Variants in CFI observed in about 807,000 individuals in gnomAD.
The protein encoded by CFI is complement factor I.
Under a neutral mutation model 78.8 loss-of-function variants are expected in CFI, and 66 were observed. The observed-to-expected ratio is 0.84, with a 90% confidence interval of 0.69 to 1.03. The LOEUF (loss-of-function observed/expected upper bound fraction) is 1.03, where lower values mean the gene tolerates loss of function less well. Ranked by LOEUF, CFI falls within the 50% of genes least tolerant of loss-of-function variation. The probability of loss-of-function intolerance (pLI) is 0.00; values close to 1 mark genes in which losing one functional copy is unlikely to be tolerated. For synonymous variants in CFI, 250 were observed against 232.6 expected, an observed-to-expected ratio of 1.07 and a Z score of -0.68; for missense variants, 706 against 704.5, an observed-to-expected ratio of 1.00 and a Z score of -0.02.
chr4:109,777,176 GC>G (rs1729361485), intron 1 of CFI, among the ~76,000 whole-genome samples: 1 of 152,162 alleles, frequency 6.6e-6, no homozygotes, highest in South Asian at 2.1e-4. Context: ...ACACAGACTG[GC>G]AAATTGGATA....
chr4:109,749,291 C>A lies in CFI; in HGVS notation c.1075G>T (p.Asp359Tyr), dbSNP rs1000969873. 5.6e-6 allele frequency: 9 copies of A among 1,614,026 alleles called. No individual in the cohort carries two copies. Among genetic ancestry groups the A allele is most frequent in the Non-Finnish European group, 7.6e-6 (9 of 1,179,986 alleles). ...GDLPWQVAIKDASGITCGGIY... is the reference protein window; with the variant it reads ...GDLPWQVAIKYASGITCGGIY... The stretch of plus-strand genomic sequence containing the variant: ...CCCCCACAGGTGATTCCACTGGCAT[C>A]CTTAATTGCCACCTGCCATGGGAGG... Residue 359 changes from aspartate to tyrosine, a missense_variant, in exon 10 of 13, where the codon GAT becomes TAT. Asp to Tyr is a radical substitution (Grantham distance 160). Transcript: ENST00000394634.
chr4:109,742,392 A>C, intron 12 of CFI, 99 bp downstream of exon 12: 22 of 773,990 alleles, frequency 2.8e-5, no homozygotes, highest in Non-Finnish European at 3.7e-5. Context: ...AATGGAGGGA[A>C]TTAGGGCCCA....
intron 2 of CFI, among the ~76,000 whole-genome samples, chr4:109,766,183 C>A (rs1413071621): frequency 6.6e-6 from 1 of 152,130 alleles, no homozygotes; most frequent in African/African-American, 2.4e-5. Context: ...CCTGACTAGA[C>A]TACATGTGAG....
In CFI at chr4:109,782,778, A is replaced by G. The variant is rs537324704; in HGVS notation, c.58-15954T>C. On this transcript the variant is annotated intron_variant, in intron 1 of 12. Coordinates refer to ENST00000394634, the MANE Select transcript of CFI (RefSeq NM_000204.5). ...GCATCACACTACCTGATTTCAAACT[A>G]TACTATAAGGCCATAGTCACCAAAA... Among the ~76,000 whole-genome samples the G allele has an allele frequency of 2.0e-5, 3 of 152,284 alleles. No homozygotes were observed. The East Asian group carries it at 5.8e-4, about 29-fold the overall frequency.
At chr4:109,734,072 T>G in the CFI span, among the ~76,000 whole-genome samples, 1 of 152,062 alleles carries the variant, frequency 6.6e-6, no homozygotes, top group Non-Finnish European at 1.5e-5. Flanking sequence ...CTTGGGAAGC[T>G]GAGGTAAGAG....
intron 8 of CFI, 48 bp from the exon 9 acceptor site, chr4:109,749,650 CG>C (rs1277548306): frequency 1.6e-6 from 2 of 1,239,756 alleles, no homozygotes; most frequent in African/African-American, 1.5e-5. Context: ...AACCCATTAG[CG>C]TTTTTAACAC....
downstream of CFI, among the ~76,000 whole-genome samples, chr4:109,737,544 C>T (rs533827583): frequency 1.8e-4 from 27 of 152,296 alleles, no homozygotes; most frequent in Middle Eastern, 3.4e-3. Context: ...AAATATAAGA[C>T]GATGGCAGAG....
intron 1 of CFI, among the ~76,000 whole-genome samples, chr4:109,800,254 A>G (rs1238535748): frequency 6.7e-6 from 1 of 150,026 alleles, no homozygotes; most frequent in African/African-American, 2.5e-5. Context: ...TTAGGGTATC[A>G]GTTGGTGATT....
intron 11 of CFI, 94 bp downstream of exon 11, chr4:109,746,128 T>G: frequency 1.4e-6 from 2 of 1,410,828 alleles, no homozygotes; most frequent in Middle Eastern, 2.0e-4. Flanking sequence ...ATGTTATGCT[T>G]CTCTCTGAGT....
intron 1 of CFI, among the ~76,000 whole-genome samples, chr4:109,773,744 T>C (rs1455448158): frequency 6.6e-6 from 1 of 152,220 alleles, no homozygotes. Context: ...AATAGGAGAC[T>C]ATCAAACACA....
At chr4:109,786,109 C>T (rs1001154335) in intron 1 of CFI, among the ~76,000 whole-genome samples, 1 of 151,990 alleles carries the variant, frequency 6.6e-6, no homozygotes, top group Non-Finnish European at 1.5e-5. Context: ...CAGCTCACTG[C>T]AACTTCTGTC....
chr4:109,761,164 T>A (rs1727006663), intron 4 of CFI, among the ~76,000 whole-genome samples: 2 of 152,192 alleles, frequency 1.3e-5, no homozygotes, highest in South Asian at 4.1e-4. Context: ...ACTTAAAGGT[T>A]TTAAATAAAT....
At chr4:109,775,399 T>A (rs1403711053) in intron 1 of CFI, among the ~76,000 whole-genome samples, 1 of 152,190 alleles carries the variant, frequency 6.6e-6, no homozygotes, top group Admixed American at 6.5e-5. Context: ...CCCCACTCAT[T>A]GCTAGCACAG....
At chr4:109,738,536 C>T (rs148086242), downstream of CFI, among the ~76,000 whole-genome samples, 9 of 152,266 alleles carry the variant, frequency 5.9e-5, no homozygotes, top group South Asian at 2.1e-4. Flanking sequence ...TCCTCCCTGC[C>T]GCCATCAAGA....
intron 7 of CFI, among the ~76,000 whole-genome samples, chr4:109,754,399 G>A (rs1227319344): frequency 7.0e-6 from 1 of 142,194 alleles, no homozygotes; most frequent in Non-Finnish European, 1.5e-5. Context: ...TTAGGCATCT[G>A]GGATGCAGAA....
chr4:109,763,771 ATTG>A (rs1055709235), intron 3 of CFI, among the ~76,000 whole-genome samples: 64 of 152,040 alleles, frequency 4.2e-4, no homozygotes, highest in African/African-American at 1.5e-3. Context: ...ATTTGAAAAA[ATTG>A]TTATCATACA....
intron 7 of CFI, 25 bp from the exon 8 acceptor site, chr4:109,752,528 T>C: frequency 1.3e-6 from 2 of 1,580,488 alleles, no homozygotes; most frequent in Non-Finnish European, 1.7e-6. Context: ...AAGATTCCAA[T>C]GTTTAAAGTT....
At chr4:109,775,564 C>T (rs1358431167) in intron 1 of CFI, among the ~76,000 whole-genome samples, 1 of 152,222 alleles carries the variant, frequency 6.6e-6, no homozygotes, top group Admixed American at 6.5e-5. Context: ...TAGACTCCAC[C>T]TCTGGGGGCA....
At chr4:109,781,190 G>GA (rs112330783) in intron 1 of CFI, among the ~76,000 whole-genome samples, 56 of 150,994 alleles carry the variant, frequency 3.7e-4, no homozygotes, top group African/African-American at 1.1e-3. Flanking sequence ...AATGAAATTG[G>GA]AAAAAAAAGT....
Sources: allele counts gnomAD v4.1 joint callset (sites outside exome capture counted in the v4.1 genomes callset), GRCh38; gene constraint gnomAD v4.1.1; transcripts MANE v1.5; gene names NCBI Gene and HGNC (gene_info 2026-07-23, HGNC 2026-07-21).